Variants in CRPPA observed in about 807,000 individuals in gnomAD.
CRPPA encodes the protein CDP-L-ribitol pyrophosphorylase A, also known as D-ribitol-5-phosphate cytidylyltransferase.
In CRPPA, 43 loss-of-function variants were observed where a neutral mutation model predicts 52.0. The observed-to-expected ratio is 0.83, with a 90% CI of 0.65 to 1.07. The LOEUF (loss-of-function observed/expected upper bound fraction) is 1.07, where lower values mean the gene tolerates loss of function less well. Among genes scored for constraint, CRPPA ranks in the 50% least tolerant of loss-of-function variants. CRPPA has a pLI of 0.00. For synonymous variants in CRPPA, 250 were observed against 203.5 expected, an observed-to-expected ratio of 1.23 and a Z score of -1.94; for missense variants, 629 against 551.7, an observed-to-expected ratio of 1.14 and a Z score of -1.40.
intron 5 of CRPPA, among the ~76,000 whole-genome samples, chr7:16,294,819 A>C (rs1427383606): frequency 1.3e-5 from 2 of 151,988 alleles, no homozygotes; most frequent in African/African-American, 4.8e-5. Context: ...GCCTGATGAG[A>C]ACATACCACA....
At chr7:16,398,303 G>A (rs1004118466) in intron 2 of CRPPA, among the ~76,000 whole-genome samples, 2 of 151,476 alleles carry the variant, frequency 1.3e-5, no homozygotes, top group African/African-American at 4.9e-5. Context: ...TGACTGACAG[G>A]TAATTCACGT....
intron 8 of CRPPA, among the ~76,000 whole-genome samples, chr7:16,241,973 G>GT (rs1249826023): frequency 0.32 from 32,711 of 102,642 alleles, 6,615 homozygotes; most frequent in Middle Eastern, 0.4. Context: ...TTTTTTGTTG[G>GT]GGGGAGATAG....
intron 6 of CRPPA, among the ~76,000 whole-genome samples, chr7:16,276,129 TAAG>T (rs1330725259): frequency 6.6e-6 from 1 of 150,788 alleles, no homozygotes; most frequent in Non-Finnish European, 1.5e-5. Flanking sequence ...AGACGGGAAG[TAAG>T]AAAATTAAAA....
At chr7:16,342,232 A>G (rs1380776620) in intron 3 of CRPPA, among the ~76,000 whole-genome samples, 1 of 152,212 alleles carries the variant, frequency 6.6e-6, no homozygotes, top group Admixed American at 6.5e-5. Context: ...TTATTTCAAC[A>G]TCAATGTTAC....
At chr7:16,252,125 CT>C (rs1783472867) in intron 8 of CRPPA, among the ~76,000 whole-genome samples, 1 of 152,086 alleles carries the variant, frequency 6.6e-6, no homozygotes. Flanking sequence ...GCCAATATCC[CT>C]GTTGAACATC....
chr7:16,139,552 G>C (rs1228351455), intron 9 of CRPPA, among the ~76,000 whole-genome samples: 1 of 152,026 alleles, frequency 6.6e-6, no homozygotes, highest in African/African-American at 2.4e-5. Context: ...AGTTACTGTG[G>C]TTTTTGTGAT....
At chr7:16,242,591 G>T (rs767369240) in intron 8 of CRPPA, among the ~76,000 whole-genome samples, 1 of 152,138 alleles carries the variant, frequency 6.6e-6, no homozygotes, top group Non-Finnish European at 1.5e-5. Context: ...TGAGCTCCTC[G>T]ACAACAGAGT....
chr7:16,265,911 C>T lies in CRPPA; in HGVS notation c.934-6899G>A, dbSNP rs151134301. On this transcript the variant is annotated intron_variant, in intron 6 of 9. Transcript: ENST00000407010. ...GATTACACAGCCAGTAAGGGGCTAGCACTCAGACTCAGGTCTGTTGGAACT... is the reference window on the plus strand; with the variant it reads ...GATTACACAGCCAGTAAGGGGCTAGTACTCAGACTCAGGTCTGTTGGAACT... Among the ~76,000 whole-genome samples the T allele has an allele frequency of 8.8e-3, 1,337 of 152,260 alleles. 9 individuals are homozygous for T. Among genetic ancestry groups the T allele is most frequent in the Non-Finnish European group, 0.014 (958 of 68,022 alleles).
chr7:16,323,545 C>G (rs1785309098), intron 3 of CRPPA, among the ~76,000 whole-genome samples: 1 of 152,196 alleles, frequency 6.6e-6, no homozygotes. Context: ...AAAGCAGAGC[C>G]ATCCTGCCAA....
At chr7:16,182,041 G>A (rs960051663) in intron 9 of CRPPA, among the ~76,000 whole-genome samples, 1 of 151,950 alleles carries the variant, frequency 6.6e-6, no homozygotes, top group African/African-American at 2.4e-5. Flanking sequence ...GTAATTGCTA[G>A]AAAGGTTAGT....
chr7:16,271,594 T>C (rs1784090777), intron 6 of CRPPA, among the ~76,000 whole-genome samples: 1 of 152,194 alleles, frequency 6.6e-6, no homozygotes, highest in African/African-American at 2.4e-5. Flanking sequence ...AAGCTCTTTA[T>C]GTGCCTTTCA....
intron 8 of CRPPA, among the ~76,000 whole-genome samples, chr7:16,242,139 A>G (rs183050175): frequency 1.3e-4 from 19 of 151,692 alleles, no homozygotes; most frequent in African/African-American, 4.4e-4. Flanking sequence ...TATTTTTAGT[A>G]GAGATGGGAT....
At chr7:16,389,154 C>T (rs957384617) in intron 2 of CRPPA, among the ~76,000 whole-genome samples, 2 of 152,060 alleles carry the variant, frequency 1.3e-5, no homozygotes, top group African/African-American at 4.8e-5. Flanking sequence ...ATCCAGAAGG[C>T]TCCACTGATG....
At chr7:16,161,648 T>G (rs563712949) in intron 9 of CRPPA, among the ~76,000 whole-genome samples, 1 of 152,232 alleles carries the variant, frequency 6.6e-6, no homozygotes, top group Admixed American at 6.5e-5. Context: ...AAATTTTGTT[T>G]TTTTTGTGTG....
At chr7:16,139,360 G>T (rs1012244146) in intron 9 of CRPPA, among the ~76,000 whole-genome samples, 13 of 152,032 alleles carry the variant, frequency 8.6e-5, no homozygotes, top group African/African-American at 3.1e-4. Context: ...ATTTGTCTAA[G>T]GTTTAAATGA....
intron 6 of CRPPA, chr7:16,277,499 A>G (rs995053619): frequency 6.6e-6 from 1 of 152,200 alleles, no homozygotes; most frequent in South Asian, 2.1e-4. Context: ...ATATATTTTA[A>G]TGAAAACAGA....
intron 9 of CRPPA, among the ~76,000 whole-genome samples, chr7:16,095,399 A>AT (rs5882557): frequency 0.14 from 21,332 of 152,034 alleles, 2,300 homozygotes; most frequent in East Asian, 0.46. Flanking sequence ...ATGGGATAAC[A>AT]TTTTTTGTGG....
chr7:16,145,699 A>G (rs1025355411), intron 9 of CRPPA, among the ~76,000 whole-genome samples: 11 of 152,062 alleles, frequency 7.2e-5, no homozygotes, highest in African/African-American at 2.4e-4. Context: ...ATAAACAAAC[A>G]GAGATCTTTA....
intron 3 of CRPPA, among the ~76,000 whole-genome samples, chr7:16,311,897 C>T (rs935363241): frequency 1.3e-5 from 2 of 151,936 alleles, no homozygotes; most frequent in African/African-American, 4.8e-5. Flanking sequence ...TTGTATATTG[C>T]CTTTGCTTTT....
Sources: allele counts gnomAD v4.1 joint callset (sites outside exome capture counted in the v4.1 genomes callset), GRCh38; gene constraint gnomAD v4.1.1; transcripts MANE v1.5; gene names NCBI Gene and HGNC (gene_info 2026-07-23, HGNC 2026-07-21).